The following GALNT9 variants were observed in gnomAD, a reference collection of about 807,000 sequenced individuals.
GALNT9 encodes the protein polypeptide N-acetylgalactosaminyltransferase 9, also known as GalNAc transferase 9.
GALNT9 carries 47 observed loss-of-function variants against 63.1 expected under a neutral mutation model. The observed-to-expected ratio is 0.75, with a 90% confidence interval of 0.59 to 0.95. The LOEUF (loss-of-function observed/expected upper bound fraction) is 0.95, where lower values mean the gene tolerates loss of function less well. GALNT9 is among the 40% of genes least tolerant of loss of function. The pLI, the probability that GALNT9 is intolerant of heterozygous loss-of-function variation, is 0.00. For missense variants in GALNT9, 829 were observed against 874.8 expected, an observed-to-expected ratio of 0.95 and a Z score of 0.66; for synonymous variants, 396 against 365.7, an observed-to-expected ratio of 1.08 and a Z score of -0.94.
Position 132,196,849 on chromosome 12 carries a change from G to T in GALNT9, c.*258C>A, listed in dbSNP as rs1875538995. On this transcript the variant is annotated 3_prime_UTR_variant, in exon 11 of 11. Coordinates refer to ENST00000328957, the MANE Select transcript of GALNT9 (RefSeq NM_001122636.2). ...CTGGCCAGGAGATACCGTGGAGAAG[G>T]CACGTGTTTGAGTTGGCATCACTGT... is the stretch of plus-strand genomic sequence containing the variant. The T allele has an allele frequency of 7.7e-7, 1 of 1,306,726 alleles. No individual in the cohort carries two copies. Among genetic ancestry groups the T allele is most frequent in the South Asian group, 1.8e-5 (1 of 55,240 alleles). 80.9% of individuals were successfully genotyped at this position (1,306,726 alleles called of 1,614,324 possible). A position where few individuals can be genotyped will look rare whatever the true frequency, so the allele number is the denominator to read the frequency against.
chr12:132,288,706 G>A (rs781840679), intron 1 of GALNT9, among the ~76,000 whole-genome samples: 4 of 151,464 alleles, frequency 2.6e-5, no homozygotes, highest in Admixed American at 6.6e-5. Context: ...GAGGGTGGCT[G>A]AGCGTCGTTC....
chr12:132,210,035 T>A (rs181394204), intron 6 of GALNT9, among the ~76,000 whole-genome samples: 31 of 152,320 alleles, frequency 2.0e-4, no homozygotes, highest in African/African-American at 7.5e-4. Context: ...TGGGGACCCC[T>A]TTCTGGTCAC....
At chr12:132,292,656 C>T (rs61943955) in intron 1 of GALNT9, among the ~76,000 whole-genome samples, 664 of 152,328 alleles carry the variant, frequency 4.4e-3, no homozygotes, top group Non-Finnish European at 7.6e-3. Context: ...CCACTGAAGC[C>T]GGACACCAGG....
At position 132,329,325 on chromosome 12, in the gene GALNT9, G is replaced by T. The variant is rs1195713387; in HGVS notation, c.-122C>A. 1.4e-6 allele frequency: 2 copies of T among 1,389,376 alleles called. No homozygotes were observed. Among genetic ancestry groups the T allele is most frequent in the African/African-American group, 1.5e-5 (1 of 66,824 alleles). 86.1% of individuals were successfully genotyped at this position (1,389,376 alleles called of 1,614,324 possible). ...CGGGGCTGCGGGGGCTGCGGGGCTC[G>T]GCCGGAGCTGTCCCTTCAGCACCAG... On this transcript the variant is annotated 5_prime_UTR_variant, in exon 1 of 11. Transcript: ENST00000328957.
chr12:132,240,811 C>G (rs1408267332), intron 6 of GALNT9: 2 of 424,234 alleles, frequency 4.7e-6, no homozygotes, highest in South Asian at 1.7e-5. Flanking sequence ...TGCCACACAC[C>G]CTTCCCAAGG....
chr12:132,304,425 G>A (rs1288005218), intron 1 of GALNT9, among the ~76,000 whole-genome samples: 7 of 76,914 alleles, frequency 9.1e-5, no homozygotes, highest in South Asian at 4.8e-4. Context: ...CCTCACCCGG[G>A]CACAGCCTCG....
At chr12:132,202,584 A>C (rs987289060) in intron 7 of GALNT9, among the ~76,000 whole-genome samples, 2 of 152,202 alleles carry the variant, frequency 1.3e-5, no homozygotes, top group Admixed American at 1.3e-4. Flanking sequence ...TGCTACGTAC[A>C]CAAAGCGCTG....
intron 1 of GALNT9, among the ~76,000 whole-genome samples, chr12:132,303,160 ACCCGGTAGTC>A (rs1881373612): frequency 6.6e-6 from 1 of 151,784 alleles, no homozygotes; most frequent in South Asian, 2.1e-4. Context: ...TGTGGCCTTC[ACCCGGTAGTC>A]CCCGTCAGAC....
In GALNT9 at chr12:132,199,265, C is replaced by G; in HGVS notation, c.1406G>C (p.Arg469Thr). The change falls in exon 9 of 11, where the codon AGA (arginine) becomes ACA (threonine). Residue 469 changes from arginine (R) to threonine (T), a missense_variant. Transcript: ENST00000328957. The stretch of plus-strand genomic sequence containing the variant: ...ACAGTAGGCACTGGCTTTGCTGTTT[C>G]TCACCTGCAAGCAGAAGCCCCAGGA... The part of the protein sequence containing the change: ...YNNTLTYGEV[R>T]NSKASAYCLD... The G allele has an allele frequency of 1.2e-6, 2 of 1,601,750 alleles. No homozygotes were observed. Among genetic ancestry groups the G allele is most frequent in the South Asian group, 2.2e-5 (2 of 90,992 alleles).
Position 132,296,544 on chromosome 12 carries a change from A to G in GALNT9, c.239-10114T>C, listed in dbSNP as rs1306124768. On this transcript the variant is annotated intron_variant, in intron 1 of 10. Transcript: ENST00000328957. This position sits in a 1 kb window ranked among gnomAD's most constrained non-coding sequence, Gnocchi z 4.2. ...TGAATAAGATGTAATTTTGAGAATA[A>G]TGGGAAATTTGCATCTATTAGCTCA... 6.6e-6 allele frequency among the ~76,000 whole-genome samples: 1 copy of G among 152,198 alleles called. No individual in the cohort carries two copies. The highest frequency in any genetic ancestry group is 2.4e-5 in the African/African-American group (1 of 41,456).
At chr12:132,247,568 G>C in intron 6 of GALNT9, 1 of 504,078 alleles carries the variant, frequency 2.0e-6, no homozygotes. Flanking sequence ...CCTGTCCCTA[G>C]ACCATGGCTG....
chr12:132,227,187 G>A (rs1321155990), intron 6 of GALNT9, among the ~76,000 whole-genome samples: 1 of 152,158 alleles, frequency 6.6e-6, no homozygotes, highest in South Asian at 2.1e-4. Context: ...GGCATGAGGA[G>A]AGACTCAGAT....
chr12:132,307,128 G>C (rs1881645032), intron 1 of GALNT9, among the ~76,000 whole-genome samples: 1 of 152,102 alleles, frequency 6.6e-6, no homozygotes, highest in African/African-American at 2.4e-5. Flanking sequence ...TTGTCACTTG[G>C]CATGTGTGTC....
intron 5 of GALNT9, among the ~76,000 whole-genome samples, chr12:132,253,079 T>C (rs1247880635): frequency 6.6e-6 from 1 of 152,108 alleles, no homozygotes; most frequent in African/African-American, 2.4e-5. Flanking sequence ...AGGCAGCAAA[T>C]GTCAGCGTTT....
In GALNT9 at chr12:132,199,682, CTG is replaced by C. The variant is rs534434340; in HGVS notation, c.1402-415_1402-414del. On this transcript the variant is annotated intron_variant, in intron 8 of 10. Coordinates refer to ENST00000328957, the MANE Select transcript of GALNT9 (RefSeq NM_001122636.2). ...CTTGGGAGACCTTCCAGCTTCCACT[CTG>C]TCTTGGAAGGAACCCTGACAGCCCT... Among the ~76,000 whole-genome samples, 776 of 152,258 alleles carry C rather than the reference CTG, an allele frequency of 5.1e-3. 7 individuals carry two copies. The highest frequency in any genetic ancestry group is 0.018 in the African/African-American group (740 of 41,562).
chr12:132,275,904 G>C (rs1325602369), intron 2 of GALNT9: 1 of 152,772 alleles, frequency 6.5e-6, no homozygotes, highest in Non-Finnish European at 1.5e-5. Flanking sequence ...GTGTGTGGGA[G>C]CTGGATCCCA....
intron 2 of GALNT9, among the ~76,000 whole-genome samples, chr12:132,285,406 A>T (rs928875977): frequency 6.6e-6 from 1 of 152,224 alleles, no homozygotes; most frequent in Non-Finnish European, 1.5e-5. Flanking sequence ...ACTTTATCCG[A>T]GCAACAATGC....
chr12:132,197,024 G>T lies in GALNT9; in HGVS notation c.*83C>A. 1 of 1,574,214 alleles carries T rather than the reference G, an allele frequency of 6.4e-7. No homozygotes were observed. ...CATAGAGCCCTGTCCTGCTGTGTCT[G>T]CCGGGCACACCCCGGTCACTCAGCC... On this transcript the variant is annotated 3_prime_UTR_variant, in exon 11 of 11. Transcript: ENST00000328957.
In GALNT9 at chr12:132,296,036, A is replaced by G. The variant is rs112453846; in HGVS notation, c.239-9606T>C. On this transcript the variant is annotated intron_variant, in intron 1 of 10. Coordinates refer to ENST00000328957, the MANE Select transcript of GALNT9 (RefSeq NM_001122636.2). This position sits in a 1 kb window ranked among gnomAD's most constrained non-coding sequence, Gnocchi z 4.2. ...AGCCTCCGGAACAGGGAGAGCCTCC[A>G]GAACAGGGAGAGCCTCTGAACAGGG... Among the ~76,000 whole-genome samples, 199 of 132,788 alleles carry G rather than the reference A, an allele frequency of 1.5e-3. No homozygotes were observed. Among genetic ancestry groups the G allele is most frequent in the Admixed American group, 2.6e-3 (37 of 14,130 alleles). The allele number at this position is 132,788 out of a possible 152,430, so 87.1% of individuals were successfully genotyped here.
Sources: allele counts gnomAD v4.1 joint callset (sites outside exome capture counted in the v4.1 genomes callset), GRCh38; gene constraint gnomAD v4.1.1; non-coding constraint Gnocchi (gnomAD v3.1); transcripts MANE v1.5; gene names NCBI Gene and HGNC (gene_info 2026-07-23, HGNC 2026-07-21).